The following PRR14L variants were observed in gnomAD, a reference collection of about 807,000 sequenced individuals.
The protein encoded by PRR14L is protein PRR14L.
Under a neutral mutation model 155.0 loss-of-function variants are expected in PRR14L, and 80 were observed. The ratio of observed to expected loss-of-function variants is 0.52; its 90% confidence interval spans 0.43 to 0.62. The LOEUF (loss-of-function observed/expected upper bound fraction) is 0.62, where lower values mean the gene tolerates loss of function less well. Ranked by LOEUF, PRR14L falls within the 20% of genes least tolerant of loss-of-function variation. The pLI is 0.00. For missense variants in PRR14L, 2,469 were observed against 2,548.0 expected (o/e 0.97, Z 0.67); for synonymous variants, 883 against 916.0 (o/e 0.96, Z 0.65).
chr22:31,690,922 G>A (rs769256841), intron 7 of PRR14L, among the ~76,000 whole-genome samples: 12 of 150,462 alleles, frequency 8.0e-5, no homozygotes, highest in Non-Finnish European at 1.3e-4. Flanking sequence ...TTACAGCTGT[G>A]AGCCACCATG....
chr22:31,693,464 C>A (rs2074521032), intron 7 of PRR14L, among the ~76,000 whole-genome samples: 1 of 152,194 alleles, frequency 6.6e-6, no homozygotes, highest in Non-Finnish European at 1.5e-5. Context: ...ACAGTTTATT[C>A]ATTCAGCTAC....
intron 1 of PRR14L, among the ~76,000 whole-genome samples, chr22:31,742,384 G>A (rs1490595245): frequency 6.8e-6 from 1 of 146,382 alleles, no homozygotes. Context: ...TTTTTTTTGA[G>A]ATGGAGTCTT....
chr22:31,714,024 T>G lies in PRR14L; in HGVS notation c.3815A>C (p.Glu1272Ala). 6.4e-7 allele frequency: 1 copy of G among 1,551,230 alleles called. No individual in the cohort carries two copies. The highest frequency in any genetic ancestry group is 8.7e-7 in the Non-Finnish European group (1 of 1,146,900). ...CKPKDGEMLC[E>A]NVKDCTVLPE... is the part of the protein sequence containing the mutation. ...AAGGACTGTGCAGTCCTTTACATTT[T>G]CACAAAGCATTTCACCATCTTTTGG... The change falls in exon 4 of 9, where the codon GAA becomes GCA. Residue 1272 changes from glutamate (E) to alanine (A), a missense_variant. Physicochemically the swap from Glu to Ala is moderately radical, Grantham distance 107 (BLOSUM62 -1). Coordinates refer to ENST00000327423, the MANE Select transcript of PRR14L (RefSeq NM_173566.3).
At chr22:31,720,578 C>CA (rs1410561177) in intron 3 of PRR14L, among the ~76,000 whole-genome samples, 3 of 151,902 alleles carry the variant, frequency 2.0e-5, no homozygotes, top group Non-Finnish European at 4.4e-5. Context: ...ACTAAAAATA[C>CA]AAAAAAATCA....
chr22:31,716,968 T>G lies in PRR14L; in HGVS notation c.871A>C (p.Asn291His). The change falls in exon 4 of 9, where the codon AAT becomes CAT. Residue 291 changes from asparagine to histidine, a missense_variant. Transcript: ENST00000327423. ...AACTCTTCCTTCCCATTGTCCACATTAGAAATGGCACTGTTTCCTGGTAAT... is the reference window on the plus strand; with the variant it reads ...AACTCTTCCTTCCCATTGTCCACATGAGAAATGGCACTGTTTCCTGGTAAT... ...LSLPGNSAIS[N>H]VDNGKEELCK... is the part of the protein sequence containing the mutation. 1.3e-6 allele frequency: 2 copies of G among 1,551,910 alleles called. No individual in the cohort carries two copies. Among genetic ancestry groups the G allele is most frequent in the Non-Finnish European group, 1.7e-6 (2 of 1,146,976 alleles).
Position 31,719,038 on chromosome 22 carries a change from C to T in PRR14L, c.548-1747G>A, listed in dbSNP as rs543245249. On this transcript the variant is annotated intron_variant, in intron 3 of 8. Transcript: ENST00000327423. ...GCAGTGAGCCAAGATCATGCCACTACACTCTAGCCTGGGTGACAGAGCAAG... is the reference window on the plus strand; with the variant it reads ...GCAGTGAGCCAAGATCATGCCACTATACTCTAGCCTGGGTGACAGAGCAAG... 9.2e-5 allele frequency among the ~76,000 whole-genome samples: 14 copies of T among 152,108 alleles called. 1 individual carries two copies. The South Asian group carries it at 2.9e-3, about 32-fold the overall frequency.
Position 31,716,591 on chromosome 22 carries a change from A to G in PRR14L, c.1248T>C (p.Asn416=). The stretch of plus-strand genomic sequence containing the variant: ...TAATCTCCTTTTCTGGTTCCCTGGC[A>G]TTAAAAAGAAAAGGTCCACCTCTTT... ...RSERGGPFLF[N]AREPEKEISG... Residue 416 remains asparagine (N), a synonymous_variant, in exon 4 of 9, where the codon AAT becomes AAC. Coordinates refer to ENST00000327423, the MANE Select transcript of PRR14L (RefSeq NM_173566.3). The G allele has an allele frequency of 1.9e-6, 3 of 1,549,870 alleles. No homozygotes were observed. Among genetic ancestry groups the G allele is most frequent in the Non-Finnish European group, 2.6e-6 (3 of 1,146,560 alleles).
At chr22:31,717,829 C>T (rs1476774440) in intron 3 of PRR14L, among the ~76,000 whole-genome samples, 1 of 151,996 alleles carries the variant, frequency 6.6e-6, no homozygotes, top group Non-Finnish European at 1.5e-5. Flanking sequence ...AGTGCGATCT[C>T]AGTTCACTGC....
intron 4 of PRR14L, among the ~76,000 whole-genome samples, chr22:31,709,703 G>A (rs1601501337): frequency 6.6e-6 from 1 of 151,618 alleles, no homozygotes; most frequent in African/African-American, 2.4e-5. Flanking sequence ...ACCATGCCCA[G>A]CTAATTTTTG....
intron 7 of PRR14L, among the ~76,000 whole-genome samples, chr22:31,692,990 G>T (rs1341411635): frequency 2.0e-5 from 3 of 151,994 alleles, no homozygotes; most frequent in African/African-American, 7.2e-5. Context: ...TATGTTCACA[G>T]AAAGACTGAG....
Position 31,738,494 on chromosome 22 carries a change from T to G in PRR14L, c.367A>C (p.Arg123=), listed in dbSNP as rs1263432337. The G allele has an allele frequency of 6.4e-7, 1 of 1,552,004 alleles. No individual in the cohort carries two copies. Among genetic ancestry groups the G allele is most frequent in the African/African-American group, 1.4e-5 (1 of 73,056 alleles). The change falls in exon 2 of 9, where the codon AGA becomes CGA. Residue 123 remains arginine (R), a synonymous_variant. Transcript: ENST00000327423. Reference sequence around the variant, plus strand: ...ATTCCTGCCTGGCCCCCTGGATCTCTGAAGACCTTTGGCTCCATGCTCTCG... The same window carrying G: ...ATTCCTGCCTGGCCCCCTGGATCTCGGAAGACCTTTGGCTCCATGCTCTCG... ...RSESMEPKVF[R]DPGGQAGIIR...
At position 31,685,788 on chromosome 22, in the gene PRR14L, G is replaced by A. The variant is rs2074479225; in HGVS notation, c.6195C>T (p.Ile2065=). Residue 2065 remains isoleucine (I), a synonymous_variant, in exon 9 of 9, where the codon ATC becomes ATT. Coordinates refer to ENST00000327423, the MANE Select transcript of PRR14L (RefSeq NM_173566.3). The stretch of plus-strand genomic sequence containing the variant: ...CATTTCGTTCCTTGGGTTCCTCAAA[G>A]ATGGTCTCTAAACACCTAAGGATGA... ...SPPANRCLET[I]FEEPKERNGT... is the part of the protein sequence containing the mutation. 6.4e-7 allele frequency: 1 copy of A among 1,551,608 alleles called. No homozygotes were observed. The highest frequency in any genetic ancestry group is 1.4e-5 in the African/African-American group (1 of 73,146).
At chr22:31,701,882 A>C (rs1033823031) in intron 6 of PRR14L, 120 bp from the exon 7 acceptor site, 7 of 686,404 alleles carry the variant, frequency 1.0e-5, no homozygotes, top group African/African-American at 5.5e-5. Context: ...ATCATAGCTC[A>C]CTGCAGCCTT....
At position 31,722,816 on chromosome 22, in the gene PRR14L, G is replaced by A. The variant is rs373438502; in HGVS notation, c.547+2722C>T. ...CAAAGTGCTGGGATTACAGGTGTAA[G>A]CCACTGCGCCCAGCCGGCATCATTC... On this transcript the variant is annotated intron_variant, in intron 3 of 8. Transcript: ENST00000327423. 1.7e-4 allele frequency among the ~76,000 whole-genome samples: 26 copies of A among 152,306 alleles called. No individual in the cohort carries two copies. In the East Asian group the frequency reaches 3.7e-3, roughly 22 times the overall value.
At chr22:31,731,179 T>C (rs546641778) in intron 2 of PRR14L, among the ~76,000 whole-genome samples, 1 of 152,244 alleles carries the variant, frequency 6.6e-6, no homozygotes, top group African/African-American at 2.4e-5. Context: ...GAGCCAAGAC[T>C]AGGTGTGCTC....
chr22:31,683,383 G>C lies in PRR14L; in HGVS notation c.*2144C>G, dbSNP rs564241383. On this transcript the variant is annotated 3_prime_UTR_variant, in exon 9 of 9. Coordinates refer to ENST00000327423, the MANE Select transcript of PRR14L (RefSeq NM_173566.3). Reference sequence around the variant, plus strand: ...TGCTAGTCTGCAACCTGTCCAGTAGGAGCTCCTTAAACATGCCTGGACAAG... The same window carrying C: ...TGCTAGTCTGCAACCTGTCCAGTAGCAGCTCCTTAAACATGCCTGGACAAG... 7.9e-5 allele frequency: 12 copies of C among 152,286 alleles called. No homozygotes were observed. The South Asian group carries it at 1.5e-3, about 18-fold the overall frequency. 9.4% of individuals were successfully genotyped at this position (152,286 alleles called of 1,614,324 possible). A position where few individuals can be genotyped will look rare whatever the true frequency, so the allele number is the denominator to read the frequency against.
chr22:31,708,076 G>T (rs898062046), intron 4 of PRR14L, among the ~76,000 whole-genome samples: 4 of 151,830 alleles, frequency 2.6e-5, no homozygotes, highest in Admixed American at 2.6e-4. Context: ...TTGAACCTGG[G>T]AGGCAGAGGT....
chr22:31,731,231 A>G (rs907136103), intron 2 of PRR14L, among the ~76,000 whole-genome samples: 1 of 152,088 alleles, frequency 6.6e-6, no homozygotes, highest in African/African-American at 2.4e-5. Context: ...GCCCTATCGT[A>G]TACACTCAAG....
intron 4 of PRR14L, among the ~76,000 whole-genome samples, chr22:31,711,607 C>G (rs777706291): frequency 1.5e-4 from 23 of 151,014 alleles, no homozygotes; most frequent in Admixed American, 2.6e-4. Flanking sequence ...ATGGAGAAAC[C>G]CCCGTCTCTA....
Sources: gnomAD v4.1 joint callset for allele counts (sites outside exome capture counted in the v4.1 genomes callset) on GRCh38, gnomAD v4.1.1 for gene constraint, MANE v1.5 for transcripts, NCBI Gene and HGNC (gene_info 2026-07-23, HGNC 2026-07-21) for gene names.